The following JARID2 variants were observed in gnomAD, a reference collection of about 807,000 sequenced individuals.
The protein encoded by JARID2 is protein Jumonji.
JARID2 carries 21 observed loss-of-function variants against 125.6 expected under a neutral mutation model. The observed-to-expected ratio is 0.17, with a 90% CI of 0.12 to 0.24. The LOEUF (loss-of-function observed/expected upper bound fraction) is 0.24, where lower values mean the gene tolerates loss of function less well. JARID2 is among the 10% of genes least tolerant of loss of function. JARID2 has a pLI of 1.00. For synonymous variants in JARID2, 736 were observed against 661.6 expected (o/e 1.11, Z -1.73); for missense variants, 1,303 against 1,639.6 (o/e 0.79, Z 3.55).
At chr6:15,504,874 C>T (rs1316053938) in intron 9 of JARID2, among the ~76,000 whole-genome samples, 4 of 152,174 alleles carry the variant, frequency 2.6e-5, no homozygotes, top group African/African-American at 4.8e-5. Context: ...GTCACTGTCT[C>T]CTCCTGCTTG....
chr6:15,515,303 C>T (rs968919216), intron 16 of JARID2, among the ~76,000 whole-genome samples: 2 of 152,100 alleles, frequency 1.3e-5, no homozygotes, highest in African/African-American at 2.4e-5. Context: ...TGGGCCACTG[C>T]GCCCAGCTGT....
intron 1 of JARID2, among the ~76,000 whole-genome samples, chr6:15,302,446 T>C (rs1052678406): frequency 2.6e-5 from 4 of 152,064 alleles, no homozygotes; most frequent in Non-Finnish European, 4.4e-5. Context: ...AAGAGAAAGC[T>C]TTCCATTGTT....
Position 15,408,431 on chromosome 6 carries a change from GC to G in JARID2, c.182-1791del, listed in dbSNP as rs1439271534. On this transcript the variant is annotated intron_variant, in intron 2 of 17. Transcript: ENST00000341776. ...GATAAGATAAATATTATGTTCCTTG[GC>G]CAACTCTAATCTCAGTTAAATGTCG... Among the ~76,000 whole-genome samples the G allele has an allele frequency of 3.9e-5, 6 of 151,980 alleles. No individual in the cohort carries two copies. In the East Asian group the frequency reaches 1.2e-3, roughly 29 times the overall value.
intron 4 of JARID2, among the ~76,000 whole-genome samples, chr6:15,458,216 T>G (rs1371491279): frequency 6.6e-6 from 1 of 152,206 alleles, no homozygotes; most frequent in Non-Finnish European, 1.5e-5. Flanking sequence ...ATTAACAGAT[T>G]AAAAAGAGCT....
rs557979960 is a variant in JARID2, at chr6:15,500,568, G to A, written c.1946-339G>A. ...CCTCCATGTGACAACACATGTACCA[G>A]TACATGGTACACTGGGATGTTCCTC... is the stretch of plus-strand genomic sequence containing the variant. On this transcript the variant is annotated intron_variant, in intron 7 of 17. Coordinates refer to ENST00000341776, the MANE Select transcript of JARID2 (RefSeq NM_004973.4). 2.5e-4 allele frequency among the ~76,000 whole-genome samples: 38 copies of A among 152,286 alleles called. No homozygotes were observed. The South Asian group carries it at 5.0e-3, about 20-fold the overall frequency.
At chr6:15,291,116 G>T (rs977261852) in intron 1 of JARID2, among the ~76,000 whole-genome samples, 2 of 152,140 alleles carry the variant, frequency 1.3e-5, no homozygotes, top group Non-Finnish European at 2.9e-5. Flanking sequence ...CATGCTTGTA[G>T]TCTCAGTTAC....
intron 8 of JARID2, among the ~76,000 whole-genome samples, chr6:15,502,520 C>A (rs1039765208): frequency 6.6e-6 from 1 of 152,226 alleles, no homozygotes; most frequent in Non-Finnish European, 1.5e-5. Flanking sequence ...CCACCATACC[C>A]TCAGGTGCCC....
At chr6:15,422,953 T>G (rs1766564551) in intron 3 of JARID2, among the ~76,000 whole-genome samples, 1 of 151,912 alleles carries the variant, frequency 6.6e-6, no homozygotes, top group Non-Finnish European at 1.5e-5. Flanking sequence ...CCTACTTGAC[T>G]ATGCTATCAA....
chr6:15,520,269 G>A lies in JARID2; in HGVS notation c.*18G>A. The A allele has an allele frequency of 1.3e-6, 2 of 1,561,736 alleles. No homozygotes were observed. Among genetic ancestry groups the A allele is most frequent in the Non-Finnish European group, 1.7e-6 (2 of 1,157,056 alleles). On this transcript the variant is annotated 3_prime_UTR_variant, in exon 18 of 18. Transcript: ENST00000341776. Reference sequence around the variant, plus strand: ...CATCATGAAGATGCCAACGCCCGTGGTCGATTTATATATATTTTTTTGTAA... The same window carrying A: ...CATCATGAAGATGCCAACGCCCGTGATCGATTTATATATATTTTTTTGTAA...
intron 4 of JARID2, among the ~76,000 whole-genome samples, chr6:15,460,680 TTTGTTG>T (rs150851411): frequency 0.018 from 2,666 of 151,070 alleles, 31 homozygotes; most frequent in Middle Eastern, 0.031. Flanking sequence ...GAATGCTCAT[TTTGTTG>T]TTGTTGTTGT....
At chr6:15,307,461 T>A (rs1019154832) in intron 1 of JARID2, among the ~76,000 whole-genome samples, 31 of 152,090 alleles carry the variant, frequency 2.0e-4, no homozygotes, top group African/African-American at 7.0e-4. Context: ...TCAGGTGATC[T>A]TCCTGCCTGT....
At chr6:15,356,829 A>G (rs1462686044) in intron 1 of JARID2, among the ~76,000 whole-genome samples, 3 of 152,060 alleles carry the variant, frequency 2.0e-5, no homozygotes, top group Non-Finnish European at 2.9e-5. Flanking sequence ...AGCCTGGCCA[A>G]CATGGTGAAA....
At chr6:15,424,448 T>TATGATTATAG (rs1382453376) in intron 3 of JARID2, among the ~76,000 whole-genome samples, 3 of 152,198 alleles carry the variant, frequency 2.0e-5, no homozygotes, top group Non-Finnish European at 2.9e-5. Flanking sequence ...GAGCAAAATT[T>TATGATTATAG]ATGATTATAG....
intron 2 of JARID2, among the ~76,000 whole-genome samples, chr6:15,404,267 T>G (rs1244498954): frequency 6.6e-6 from 1 of 152,162 alleles, no homozygotes; most frequent in Admixed American, 6.5e-5. Context: ...GACCTGCATG[T>G]GTACAGTGAT....
intron 6 of JARID2, among the ~76,000 whole-genome samples, chr6:15,489,998 T>C (rs1770071623): frequency 6.6e-6 from 1 of 152,250 alleles, no homozygotes; most frequent in Non-Finnish European, 1.5e-5. Flanking sequence ...ATATTTAACC[T>C]TCCTGGGCCC....
intron 2 of JARID2, among the ~76,000 whole-genome samples, chr6:15,375,667 G>A (rs1296701995): frequency 6.6e-6 from 1 of 152,218 alleles, no homozygotes; most frequent in East Asian, 1.9e-4. Flanking sequence ...AACATTTGAT[G>A]TGATATAGAT....
chr6:15,509,038 T>C (rs1489322311), intron 12 of JARID2: 2 of 1,289,370 alleles, frequency 1.6e-6, no homozygotes, highest in South Asian at 1.2e-5. Flanking sequence ...ATCTCGTTCC[T>C]GCCATGTGGA....
chr6:15,369,575 C>A (rs146449987), intron 1 of JARID2, among the ~76,000 whole-genome samples: 133 of 152,186 alleles, frequency 8.7e-4, no homozygotes, highest in African/African-American at 3.0e-3. Flanking sequence ...TACCAAGGGG[C>A]CTGAAGTGGT....
rs551846965 is a variant in JARID2 at position 15,246,448 on chromosome 6, A to T, written c.-92A>T. On this transcript the variant is annotated 5_prime_UTR_variant, in exon 1 of 18. Transcript: ENST00000341776. ...AAGATCAACCACCACCAACAACAAT[A>T]AAAACCACCAGGATATTTTTTTGCA... The T allele has an allele frequency of 2.0e-3, 2,161 of 1,079,628 alleles. 8 individuals are homozygous for T. The highest frequency in any genetic ancestry group is 2.6e-3 in the Non-Finnish European group (1,856 of 707,838). The allele number at this position is 1,079,628 out of a possible 1,614,324, so 66.9% of individuals were successfully genotyped here. A position where few individuals can be genotyped will look rare whatever the true frequency, so the allele number is the denominator to read the frequency against.
Sources: gnomAD v4.1 joint callset for allele counts (sites outside exome capture counted in the v4.1 genomes callset) on GRCh38, gnomAD v4.1.1 for gene constraint, MANE v1.5 for transcripts, NCBI Gene and HGNC (gene_info 2026-07-23, HGNC 2026-07-21) for gene names.